CHD8: variants seen among roughly 807,000 people sequenced by gnomAD.
CHD8 encodes the protein chromodomain helicase DNA binding protein 8.
Under a neutral mutation model 279.2 loss-of-function variants are expected in CHD8, and 31 were observed. That is an observed-to-expected ratio of 0.11 (90% CI 0.08 to 0.15). The LOEUF (loss-of-function observed/expected upper bound fraction) is 0.15, where lower values mean the gene tolerates loss of function less well. Among genes scored for constraint, CHD8 ranks in the 10% least tolerant of loss-of-function variants. The probability of loss-of-function intolerance (pLI) is 1.00; values close to 1 mark genes in which losing one functional copy is unlikely to be tolerated. For synonymous variants in CHD8, 1,081 were observed against 1,139.6 expected, an observed-to-expected ratio of 0.95 and a Z score of 1.04; for missense variants, 2,146 against 3,230.5, an observed-to-expected ratio of 0.66 and a Z score of 8.14.
In CHD8 at chr14:21,394,814, C is replaced by T. The variant is rs531905415; in HGVS notation, c.5390+98G>A. On this transcript the variant is annotated intron_variant, in intron 30 of 37. Transcript: ENST00000646647. ...ACCCAAGGCAGAAAAGATGGTCCCTCTGTAGAGAATTCCAAATAAATCCTT... is the reference window on the plus strand; with the variant it reads ...ACCCAAGGCAGAAAAGATGGTCCCTTTGTAGAGAATTCCAAATAAATCCTT... The T allele has an allele frequency of 1.1e-4, 146 of 1,303,472 alleles. 3 individuals carry two copies. In the South Asian group the frequency reaches 1.9e-3, roughly 17 times the overall value. The allele number at this position is 1,303,472 out of a possible 1,614,324, so 80.7% of individuals were successfully genotyped here.
chr14:21,426,015 T>C, intron 5 of CHD8, 113 bp downstream of exon 5: 2 of 666,022 alleles, frequency 3.0e-6, no homozygotes, highest in Non-Finnish European at 5.2e-6. Context: ...TACGCCCAGT[T>C]TAGAAAAGCC....
chr14:21,436,814 A>T, intron 1 of CHD8: 1 of 469,774 alleles, frequency 2.1e-6, no homozygotes, highest in Non-Finnish European at 4.0e-6. Context: ...CTCATGAAAA[A>T]AGGGAAAGGG....
rs751700639 is a variant in CHD8, at chr14:21,391,858, T to A, written c.6860A>T (p.Lys2287Met). Reference protein sequence around the residue: ...GDGHPLFHKKKGNRKKLVELE... With the variant: ...GDGHPLFHKKMGNRKKLVELE... ...CTCTACTAGCTTCTTTCTGTTCCCC[T>A]TCTTCTTATGAAACAGTGGATGTCC... is the stretch of plus-strand genomic sequence containing the variant. The change falls in exon 35 of 38, where the codon AAG (lysine) becomes ATG (methionine). Residue 2287 changes from lysine (K) to methionine (M), a missense_variant. Physicochemically the swap from Lys to Met is moderately conservative, Grantham distance 95. This residue lies in a region of CHD8 where 336 missense variants were observed against 392.9 expected (regional missense o/e 0.86). Transcript: ENST00000646647. 1 of 1,612,984 alleles carries A rather than the reference T, an allele frequency of 6.2e-7. No individual in the cohort carries two copies. Among genetic ancestry groups the A allele is most frequent in the Non-Finnish European group, 8.5e-7 (1 of 1,179,140 alleles).
intron 5 of CHD8, among the ~76,000 whole-genome samples, chr14:21,417,882 A>AATATAT (rs1411327888): frequency 3.6e-5 from 5 of 138,868 alleles, no homozygotes; most frequent in African/African-American, 1.3e-4. Context: ...ATATATATAT[A>AATATAT]ATATATATAT....
At chr14:21,443,955 G>A (rs1313690257) in intron 1 of CHD8, among the ~76,000 whole-genome samples, 2 of 151,572 alleles carry the variant, frequency 1.3e-5, no homozygotes, top group African/African-American at 4.9e-5. Context: ...CAAACCAGAA[G>A]TGAATCTGTC....
chr14:21,417,028 G>T (rs919297097), intron 5 of CHD8, among the ~76,000 whole-genome samples: 2 of 151,902 alleles, frequency 1.3e-5, no homozygotes, highest in African/African-American at 4.8e-5. Context: ...TGAACCCGGG[G>T]GGTGGAGGTT....
intron 1 of CHD8, among the ~76,000 whole-genome samples, chr14:21,447,830 G>C (rs1890164530): frequency 6.6e-6 from 1 of 151,694 alleles, no homozygotes; most frequent in South Asian, 2.1e-4. Flanking sequence ...GGGAACATTA[G>C]ACTTAGGTCA....
Position 21,393,585 on chromosome 14 carries a change from G to C in CHD8, c.6210C>G (p.Asp2070Glu), listed in dbSNP as rs1887643487. ...ACAGCTTGCTCAAGTCCAGCTCAGA[G>C]TCCGAATCATCCTCATCCTCCAGTT... Reference protein sequence around the residue: ...PVKLEDEDDSDSELDLSKLSP... With the variant: ...PVKLEDEDDSESELDLSKLSP... The change falls in exon 32 of 38, where the codon GAC becomes GAG. Residue 2070 changes from aspartate (D) to glutamate (E), a missense_variant. This residue lies in a region of CHD8 where 513 missense variants were observed against 637.6 expected (regional missense o/e 0.80). Transcript: ENST00000646647. 1.9e-6 allele frequency: 3 copies of C among 1,613,404 alleles called. No homozygotes were observed. In the African/African-American group the frequency reaches 4.0e-5, roughly 22 times the overall value.
intron 10 of CHD8, among the ~76,000 whole-genome samples, chr14:21,412,048 A>T (rs914367093): frequency 1.3e-5 from 2 of 152,058 alleles, no homozygotes; most frequent in Non-Finnish European, 2.9e-5. Flanking sequence ...TGGGTGACAG[A>T]GTGAAGATGG....
intron 1 of CHD8, among the ~76,000 whole-genome samples, chr14:21,446,326 T>TC (rs1890120629): frequency 6.6e-6 from 1 of 150,922 alleles, no homozygotes; most frequent in South Asian, 2.1e-4. Context: ...TCTTTTTTTT[T>TC]TTTTTTTGAG....
At chr14:21,452,518 G>A (rs1016473778) in intron 1 of CHD8, among the ~76,000 whole-genome samples, 27 of 151,580 alleles carry the variant, frequency 1.8e-4, no homozygotes, top group Non-Finnish European at 3.4e-4. Context: ...GGTGGCACAC[G>A]CCTTAACCCC....
At chr14:21,450,717 C>T (rs4144189) in intron 1 of CHD8, among the ~76,000 whole-genome samples, 122,864 of 152,048 alleles carry the variant, frequency 0.81, 51,095 homozygotes, top group South Asian at 0.91. Context: ...TATAGCTGTT[C>T]AGTAGCCTTC....
chr14:21,441,820 C>A (rs182617791), intron 1 of CHD8, among the ~76,000 whole-genome samples: 2 of 152,050 alleles, frequency 1.3e-5, no homozygotes, highest in Non-Finnish European at 2.9e-5. Flanking sequence ...ACCCGGGAGG[C>A]GGAGCTTGCA....
chr14:21,400,323 C>A lies in CHD8; in HGVS notation c.4571-16G>T. 6.2e-7 allele frequency: 1 copy of A among 1,613,364 alleles called. No individual in the cohort carries two copies. The highest frequency in any genetic ancestry group is 2.2e-5 in the East Asian group (1 of 44,874). On this transcript the variant is annotated splice_polypyrimidine_tract_variant and intron_variant, in intron 23 of 37. Transcript: ENST00000646647. The surrounding 1 kb of genome is among the most constrained non-coding windows in gnomAD (Gnocchi z 4.2). The stretch of plus-strand genomic sequence containing the variant: ...ATAGATAGACCTGGGAAAGGGGAGA[C>A]ATCAAAGACTTGGATTGAGAAAAAC...
In CHD8 at chr14:21,395,346, GATC is replaced by G. The variant is rs1566415636; in HGVS notation, c.5131_5133del (p.Asp1711del). On this transcript the variant is annotated inframe_deletion, in exon 29 of 38. Transcript: ENST00000646647. ...ATCTCCTCATCCATCATCATCAAGG[GATC>G]ACCCTAGAGAAGGAGATCCACCCAA... 5 of 1,604,480 alleles carry G rather than the reference GATC, an allele frequency of 3.1e-6. No homozygotes were observed. In the South Asian group the frequency reaches 5.6e-5, roughly 18 times the overall value.
At position 21,399,983 on chromosome 14, in the gene CHD8, G is replaced by A; in HGVS notation, c.4815C>T (p.Ala1605=). ...AAAAAAATATAGCAGAATTTTACCT[G>A]GCAATCGCACCCCCTAACACCTTTT... ...QAEKVLGGAI[A]SEIDIWFPVV... is the part of the protein sequence containing the mutation. The change falls in exon 25 of 38, where the codon GCC becomes GCT. Residue 1605 remains alanine, a splice_region_variant and synonymous_variant. Transcript: ENST00000646647. 1 of 1,612,132 alleles carries A rather than the reference G, an allele frequency of 6.2e-7. No homozygotes were observed.
rs550704946 is a variant in CHD8, at chr14:21,415,571, C to T, written c.1968+3G>A. ...AATAATAATAATAATAAAAAGCCCTCACCTCCTTCTTCACAATCCGCATAG... is the reference window on the plus strand; with the variant it reads ...AATAATAATAATAATAAAAAGCCCTTACCTCCTTCTTCACAATCCGCATAG... On this transcript the variant is annotated splice_donor_region_variant and intron_variant, in intron 7 of 37. Coordinates refer to ENST00000646647, the MANE Select transcript of CHD8 (RefSeq NM_001170629.2). The T allele has an allele frequency of 7.1e-7, 1 of 1,413,604 alleles. No individual in the cohort carries two copies. The highest frequency in any genetic ancestry group is 1.9e-5 in the South Asian group (1 of 53,484). 87.6% of individuals were successfully genotyped at this position (1,413,604 alleles called of 1,614,324 possible). A position where few individuals can be genotyped will look rare whatever the true frequency, so the allele number is the denominator to read the frequency against.
intron 8 of CHD8, chr14:21,414,726 G>T: frequency 1.6e-6 from 1 of 611,070 alleles, no homozygotes. Flanking sequence ...ATTTTATCAG[G>T]AACCACCCTC....
At chr14:21,401,535 G>T in intron 20 of CHD8, 22 bp from the exon 21 acceptor site, 3 of 1,387,820 alleles carry the variant, frequency 2.2e-6, no homozygotes, top group Non-Finnish European at 2.9e-6. Flanking sequence ...CAAATGCAGA[G>T]GTAAAGCTGA....
Sources: allele counts gnomAD v4.1 joint callset (sites outside exome capture counted in the v4.1 genomes callset), GRCh38; gene constraint gnomAD v4.1.1; regional missense constraint gnomAD v4.1.1; non-coding constraint Gnocchi (gnomAD v3.1); transcripts MANE v1.5; gene names NCBI Gene and HGNC (gene_info 2026-07-23, HGNC 2026-07-21).